The following KCTD8 variants were observed in gnomAD, a reference collection of about 807,000 sequenced individuals.
The protein encoded by KCTD8 is BTB/POZ domain-containing protein KCTD8.
In KCTD8, 27 loss-of-function variants were observed where a neutral mutation model predicts 31.5. That is an observed-to-expected ratio of 0.86 (90% CI 0.63 to 1.18). KCTD8 has a LOEUF of 1.18. Ranked by LOEUF, KCTD8 falls within the 50% of genes most tolerant of loss-of-function variation. The pLI is 0.00. For missense variants in KCTD8, 658 were observed against 647.7 expected (o/e 1.02, Z -0.17); for synonymous variants, 290 against 280.0 (o/e 1.04, Z -0.36).
intron 1 of KCTD8, among the ~76,000 whole-genome samples, chr4:44,221,048 G>A (rs1333201216): frequency 6.6e-6 from 1 of 152,056 alleles, no homozygotes; most frequent in African/African-American, 2.4e-5. Flanking sequence ...GGACAAATGG[G>A]GAAAACAGAG....
At position 44,448,277 on chromosome 4, in the gene KCTD8, C is replaced by A. The variant is rs1325039206; in HGVS notation, c.247G>T (p.Ala83Ser). ...MFSPSSPRGG[A>S]RRRGELPRDS... ...CTGGGCAGCTCGCCCCGGCGCCGGG[C>A]GCCGCCACGGGGACTAGAGGGCGAG... Residue 83 changes from alanine (A) to serine (S), a missense_variant, in exon 1 of 2, where the codon GCC becomes TCC. Physicochemically the swap from Ala to Ser is moderately conservative, Grantham distance 99 (BLOSUM62 1). Coordinates refer to ENST00000360029, the MANE Select transcript of KCTD8 (RefSeq NM_198353.3). The surrounding 1 kb of genome is among the most constrained non-coding windows in gnomAD (Gnocchi z 4.1). The A allele has an allele frequency of 6.2e-7, 1 of 1,604,820 alleles. No homozygotes were observed. The highest frequency in any genetic ancestry group is 8.5e-7 in the Non-Finnish European group (1 of 1,176,494).
At chr4:44,366,651 A>G (rs1360792113) in intron 1 of KCTD8, among the ~76,000 whole-genome samples, 1 of 147,022 alleles carries the variant, frequency 6.8e-6, no homozygotes. Flanking sequence ...GGATTAGCCT[A>G]CTTCATCAAA....
intron 1 of KCTD8, among the ~76,000 whole-genome samples, chr4:44,203,201 A>G (rs1347653144): frequency 6.6e-6 from 1 of 152,146 alleles, no homozygotes; most frequent in East Asian, 1.9e-4. Context: ...AAATATATCT[A>G]ATTAAAATTA....
chr4:44,366,338 G>C (rs373259013), intron 1 of KCTD8, among the ~76,000 whole-genome samples: 2 of 152,114 alleles, frequency 1.3e-5, no homozygotes, highest in African/African-American at 4.8e-5. Context: ...TTGGTCATGG[G>C]GGGTGGATTT....
rs1001533423 is a variant in KCTD8 at position 44,322,883 on chromosome 4, T to A, written c.961+124680A>T. On this transcript the variant is annotated intron_variant, in intron 1 of 1. Transcript: ENST00000360029. ...TATGTTATTGGTGCCTTTGGTAAAA[T>A]AAATTGGCTACAAGTGCATGAATTT... Among the ~76,000 whole-genome samples the A allele has an allele frequency of 4.6e-5, 7 of 152,058 alleles. No individual in the cohort carries two copies. In the South Asian group the frequency reaches 1.4e-3, roughly 31 times the overall value.
chr4:44,275,022 A>C (rs1341219728), intron 1 of KCTD8, among the ~76,000 whole-genome samples: 1 of 152,016 alleles, frequency 6.6e-6, no homozygotes, highest in Non-Finnish European at 1.5e-5. Flanking sequence ...TGACTTTCTA[A>C]GAATATATGT....
intron 1 of KCTD8, among the ~76,000 whole-genome samples, chr4:44,195,156 G>T (rs1335354632): frequency 6.6e-6 from 1 of 151,264 alleles, no homozygotes; most frequent in Non-Finnish European, 1.5e-5. Flanking sequence ...GGGATTACAG[G>T]TATGAGCCAC....
At chr4:44,232,305 G>A (rs1260106419) in intron 1 of KCTD8, among the ~76,000 whole-genome samples, 1 of 151,946 alleles carries the variant, frequency 6.6e-6, no homozygotes, top group African/African-American at 2.4e-5. Flanking sequence ...ATTCTTCCCA[G>A]AGCCAAATTC....
At chr4:44,417,003 T>C (rs533386077) in intron 1 of KCTD8, among the ~76,000 whole-genome samples, 1 of 152,194 alleles carries the variant, frequency 6.6e-6, no homozygotes, top group Non-Finnish European at 1.5e-5. Context: ...TTTTTTAATT[T>C]TCAAAACAAT....
chr4:44,219,328 C>A (rs1297658343), intron 1 of KCTD8, among the ~76,000 whole-genome samples: 1 of 152,226 alleles, frequency 6.6e-6, no homozygotes, highest in African/African-American at 2.4e-5. Context: ...ATGTTGAAGT[C>A]TTAACTTCCT....
At position 44,235,525 on chromosome 4, in the gene KCTD8, T is replaced by TTATA. The variant is rs752341720; in HGVS notation, c.962-60279_962-60276dup. Among the ~76,000 whole-genome samples the TTATA allele has an allele frequency of 3.4e-3, 189 of 54,986 alleles. 1 individual carries two copies. Among genetic ancestry groups the TTATA allele is most frequent in the South Asian group, 5.3e-3 (5 of 938 alleles). The allele number at this position is 54,986 out of a possible 152,430, so 36.1% of individuals were successfully genotyped here. A position where few individuals can be genotyped will look rare whatever the true frequency, so the allele number is the denominator to read the frequency against. On this transcript the variant is annotated intron_variant, in intron 1 of 1. Coordinates refer to ENST00000360029, the MANE Select transcript of KCTD8 (RefSeq NM_198353.3). ...TGTATACAGAAAGAGAGACACTGGA[T>TTATA]TATATATATATATATATATATATAT...
intron 1 of KCTD8, among the ~76,000 whole-genome samples, chr4:44,198,471 C>G (rs1714015117): frequency 6.6e-6 from 1 of 152,078 alleles, no homozygotes; most frequent in South Asian, 2.1e-4. Context: ...CAGCAGAAAC[C>G]TCACAAGTCA....
intron 1 of KCTD8, among the ~76,000 whole-genome samples, chr4:44,397,131 T>C (rs1450547653): frequency 3.3e-5 from 5 of 152,198 alleles, no homozygotes; most frequent in Non-Finnish European, 5.9e-5. Context: ...ACTAGATTGC[T>C]AGATTATGAA....
At chr4:44,378,051 G>A (rs1041051003) in intron 1 of KCTD8, among the ~76,000 whole-genome samples, 3 of 151,358 alleles carry the variant, frequency 2.0e-5, no homozygotes, top group Non-Finnish European at 4.4e-5. Flanking sequence ...TAAAAAGAAT[G>A]TGTTTCTTGT....
chr4:44,258,237 C>T (rs1716053224), intron 1 of KCTD8, among the ~76,000 whole-genome samples: 1 of 151,814 alleles, frequency 6.6e-6, no homozygotes, highest in Non-Finnish European at 1.5e-5. Flanking sequence ...AATATGAGGA[C>T]TTGAACTAGG....
At chr4:44,261,715 C>T (rs761079175) in intron 1 of KCTD8, among the ~76,000 whole-genome samples, 9 of 151,890 alleles carry the variant, frequency 5.9e-5, no homozygotes, top group Non-Finnish European at 1.3e-4. Context: ...GCTTATTTTA[C>T]TTAACATAAT....
At chr4:44,330,353 G>A (rs1261688704) in intron 1 of KCTD8, among the ~76,000 whole-genome samples, 2 of 151,788 alleles carry the variant, frequency 1.3e-5, no homozygotes, top group East Asian at 3.9e-4. Context: ...TAGTACTAAT[G>A]TTTTATTTAG....
chr4:44,343,418 T>C (rs922806318), intron 1 of KCTD8, among the ~76,000 whole-genome samples: 1 of 152,018 alleles, frequency 6.6e-6, no homozygotes, highest in African/African-American at 2.4e-5. Flanking sequence ...ACAAATAAAA[T>C]AGTGACATCA....
At chr4:44,177,051 TTTTA>T (rs1443060806) in intron 1 of KCTD8, among the ~76,000 whole-genome samples, 2 of 152,052 alleles carry the variant, frequency 1.3e-5, no homozygotes, top group Non-Finnish European at 2.9e-5. Flanking sequence ...AATTGTTGGG[TTTTA>T]TTTGTTTTAA....
Sources: allele counts gnomAD v4.1 joint callset (sites outside exome capture counted in the v4.1 genomes callset), GRCh38; gene constraint gnomAD v4.1.1; non-coding constraint Gnocchi (gnomAD v3.1); transcripts MANE v1.5; gene names NCBI Gene and HGNC (gene_info 2026-07-23, HGNC 2026-07-21).